Variants in KCNH7 observed in about 807,000 individuals in gnomAD.
KCNH7 encodes the protein voltage-gated inwardly rectifying potassium channel KCNH7.
Under a neutral mutation model 120.8 loss-of-function variants are expected in KCNH7, and 49 were observed. That is an observed-to-expected ratio of 0.41 (90% CI 0.32 to 0.51). The LOEUF is 0.51. KCNH7 is among the 20% of genes least tolerant of loss of function. KCNH7 has a pLI of 0.38. For missense variants in KCNH7, 1,097 were observed against 1,446.6 expected (o/e 0.76, Z 3.92); for synonymous variants, 547 against 516.1 (o/e 1.06, Z -0.81).
intron 2 of KCNH7, among the ~76,000 whole-genome samples, chr2:162,732,880 C>T (rs999079148): frequency 1.4e-4 from 22 of 152,228 alleles, no homozygotes; most frequent in African/African-American, 4.8e-4. Flanking sequence ...GGTCAGTGAG[C>T]CAGATTTTGC....
chr2:162,455,783 A>G (rs1389222809), intron 6 of KCNH7, among the ~76,000 whole-genome samples: 1 of 152,104 alleles, frequency 6.6e-6, no homozygotes, highest in East Asian at 1.9e-4. Context: ...CAGTGGTGAC[A>G]TCCCCTTTAT....
chr2:162,417,208 T>C (rs1439897350), intron 9 of KCNH7, among the ~76,000 whole-genome samples: 1 of 152,174 alleles, frequency 6.6e-6, no homozygotes, highest in Non-Finnish European at 1.5e-5. Flanking sequence ...GTGGATGCTT[T>C]GATTCCATTA....
At chr2:162,470,227 T>C (rs1353602526) in intron 6 of KCNH7, among the ~76,000 whole-genome samples, 166 of 144,134 alleles carry the variant, frequency 1.2e-3, no homozygotes, top group African/African-American at 4.3e-3. Context: ...GTGAGGAGCC[T>C]CTCTGCCCGG....
intron 2 of KCNH7, among the ~76,000 whole-genome samples, chr2:162,677,613 G>T (rs1349693263): frequency 1.3e-5 from 2 of 151,328 alleles, no homozygotes; most frequent in African/African-American, 4.8e-5. Context: ...CCAATTCAGG[G>T]TCATTATGAA....
chr2:162,504,821 C>T (rs1305647689), intron 5 of KCNH7, among the ~76,000 whole-genome samples, 164 bp from the exon 6 acceptor site: 2 of 151,834 alleles, frequency 1.3e-5, no homozygotes, highest in East Asian at 3.9e-4. Flanking sequence ...TCACCTTGGG[C>T]CACATGGAAT....
At chr2:162,702,102 A>G (rs181906632) in intron 2 of KCNH7, among the ~76,000 whole-genome samples, 2 of 152,270 alleles carry the variant, frequency 1.3e-5, no homozygotes, top group East Asian at 1.9e-4. Context: ...AGGGAAATGC[A>G]TGGAGAAAAA....
chr2:162,767,325 C>T (rs890886165), intron 2 of KCNH7, among the ~76,000 whole-genome samples: 3 of 152,030 alleles, frequency 2.0e-5, no homozygotes, highest in African/African-American at 7.2e-5. Flanking sequence ...AAAGTTATAT[C>T]GGAATTTCCC....
At chr2:162,810,663 G>A (rs570661185) in intron 2 of KCNH7, among the ~76,000 whole-genome samples, 1 of 152,202 alleles carries the variant, frequency 6.6e-6, no homozygotes, top group Admixed American at 6.5e-5. Flanking sequence ...TACCCCTCTT[G>A]GGAGACTTGG....
intron 3 of KCNH7, among the ~76,000 whole-genome samples, chr2:162,529,885 T>C (rs980051183): frequency 5.3e-5 from 8 of 151,926 alleles, no homozygotes; most frequent in Non-Finnish European, 1.0e-4. Context: ...TTATTTTGTG[T>C]TTATATCTAT....
chr2:162,560,133 C>G (rs1277767586), intron 2 of KCNH7, among the ~76,000 whole-genome samples: 1 of 152,154 alleles, frequency 6.6e-6, no homozygotes, highest in Non-Finnish European at 1.5e-5. Context: ...GGCAACTAGC[C>G]AGAACATCAT....
At chr2:162,421,952 C>T (rs1687719806) in intron 9 of KCNH7, among the ~76,000 whole-genome samples, 1 of 152,060 alleles carries the variant, frequency 6.6e-6, no homozygotes, top group South Asian at 2.1e-4. Flanking sequence ...AGAGAGTCCC[C>T]AAAAGATTTT....
intron 2 of KCNH7, among the ~76,000 whole-genome samples, chr2:162,713,013 T>A (rs13394056): frequency 0.13 from 19,494 of 152,070 alleles, 1,423 homozygotes; most frequent in East Asian, 0.34. Flanking sequence ...TCAGGATGAA[T>A]CCCTGGGTTT....
At chr2:162,699,315 G>A (rs545108715) in intron 2 of KCNH7, among the ~76,000 whole-genome samples, 64 of 152,192 alleles carry the variant, frequency 4.2e-4, no homozygotes, top group African/African-American at 1.5e-3. Flanking sequence ...TTCACCGAAT[G>A]TCCTCCAGGT....
intron 6 of KCNH7, among the ~76,000 whole-genome samples, chr2:162,484,882 G>A (rs1574015071): frequency 6.6e-6 from 1 of 152,252 alleles, no homozygotes; most frequent in East Asian, 1.9e-4. Flanking sequence ...ATCACGAGTG[G>A]AAGCAGCCTG....
chr2:162,562,677 G>A (rs1004053894), intron 2 of KCNH7, among the ~76,000 whole-genome samples: 1 of 152,178 alleles, frequency 6.6e-6, no homozygotes, highest in African/African-American at 2.4e-5. Context: ...ACAGGAGGTA[G>A]GAGAAGGGTG....
At chr2:162,434,294 G>A (rs1205236650) in intron 8 of KCNH7, among the ~76,000 whole-genome samples, 1 of 152,022 alleles carries the variant, frequency 6.6e-6, no homozygotes, top group African/African-American at 2.4e-5. Context: ...CTCATGATCT[G>A]GGTGATGGGA....
chr2:162,790,140 A>G (rs1229673783), intron 2 of KCNH7, among the ~76,000 whole-genome samples: 1 of 151,962 alleles, frequency 6.6e-6, no homozygotes, highest in African/African-American at 2.4e-5. Flanking sequence ...ATCATAAATG[A>G]AAAAGGAAGC....
intron 2 of KCNH7, among the ~76,000 whole-genome samples, chr2:162,685,976 A>G (rs1685876726): frequency 6.6e-6 from 1 of 152,096 alleles, no homozygotes; most frequent in Non-Finnish European, 1.5e-5. Context: ...AACGAGAAAC[A>G]GTTATTCTCT....
At chr2:162,415,373 T>A (rs1214796522) in intron 9 of KCNH7, among the ~76,000 whole-genome samples, 1 of 152,102 alleles carries the variant, frequency 6.6e-6, no homozygotes, top group East Asian at 1.9e-4. Flanking sequence ...AACAAATTCT[T>A]ATCAGGCTAT....
Sources: gnomAD v4.1 joint callset for allele counts (sites outside exome capture counted in the v4.1 genomes callset) on GRCh38, gnomAD v4.1.1 for gene constraint, MANE v1.5 for transcripts, NCBI Gene and HGNC (gene_info 2026-07-23, HGNC 2026-07-21) for gene names.